The following BLNK variants were observed in gnomAD, a reference collection of about 807,000 sequenced individuals.
BLNK encodes B cell linker.
In BLNK, 29 loss-of-function variants were observed where a neutral mutation model predicts 73.5. The observed-to-expected ratio is 0.39, with a 90% confidence interval of 0.29 to 0.54. The LOEUF is 0.54. Ranked by LOEUF, BLNK falls within the 20% of genes least tolerant of loss-of-function variation. The probability of loss-of-function intolerance (pLI) is 0.61; values close to 1 mark genes in which losing one functional copy is unlikely to be tolerated. For synonymous variants in BLNK, 176 were observed against 200.8 expected, an observed-to-expected ratio of 0.88 and a Z score of 1.04; for missense variants, 460 against 562.8, an observed-to-expected ratio of 0.82 and a Z score of 1.85.
At chr10:96,212,181 C>A (rs1351836206) in intron 8 of BLNK, among the ~76,000 whole-genome samples, 1 of 152,092 alleles carries the variant, frequency 6.6e-6, no homozygotes, top group Non-Finnish European at 1.5e-5. Flanking sequence ...ACGGAGGACA[C>A]TGGTGGAAAG....
intron 4 of BLNK, among the ~76,000 whole-genome samples, chr10:96,230,198 A>G (rs1276915258): frequency 6.6e-6 from 1 of 152,172 alleles, no homozygotes; most frequent in East Asian, 1.9e-4. Flanking sequence ...CCCCAGTGTC[A>G]TCATGGCCAG....
In BLNK at chr10:96,189,670, G is replaced by A; in HGVS notation, c.*2303C>T. 1 of 718,730 alleles carries A rather than the reference G, an allele frequency of 1.4e-6. No homozygotes were observed. Among genetic ancestry groups the A allele is most frequent in the South Asian group, 1.4e-5 (1 of 72,980 alleles). The allele number at this position is 718,730 out of a possible 1,614,324, so 44.5% of individuals were successfully genotyped here. ...GGAGTATGTAGATTTCTTCAATGGT[G>A]CTTTTTCTTCAGTTTCCTCATCATC... On this transcript the variant is annotated 3_prime_UTR_variant, in exon 17 of 17. Transcript: ENST00000224337.
rs1176296418 is a variant in BLNK, at chr10:96,190,807, A to T, written c.*1166T>A. 2.6e-5 allele frequency among the ~76,000 whole-genome samples: 4 copies of T among 152,172 alleles called. No individual in the cohort carries two copies. The highest frequency in any genetic ancestry group is 9.7e-5 in the African/African-American group (4 of 41,434). ...TTTCTGGGATGATCTAAGACCTTGGACCTGATTCTCCACGATGGTATCTCT... is the reference window on the plus strand; with the variant it reads ...TTTCTGGGATGATCTAAGACCTTGGTCCTGATTCTCCACGATGGTATCTCT... On this transcript the variant is annotated 3_prime_UTR_variant, in exon 17 of 17. Coordinates refer to ENST00000224337, the MANE Select transcript of BLNK (RefSeq NM_013314.4).
At chr10:96,206,617 G>T (rs1221929763) in intron 11 of BLNK, among the ~76,000 whole-genome samples, 1 of 149,972 alleles carries the variant, frequency 6.7e-6, no homozygotes, top group Non-Finnish European at 1.5e-5. Flanking sequence ...ATTGAACTTT[G>T]AAAACATTAT....
Position 96,191,869 on chromosome 10 carries a change from T to C in BLNK, c.*104A>G, listed in dbSNP as rs959216291. ...CTGACTCCATCTTCCATTTTATTAC[T>C]GGATGATTCATAATCCAAAATATGA... On this transcript the variant is annotated 3_prime_UTR_variant, in exon 17 of 17. Coordinates refer to ENST00000224337, the MANE Select transcript of BLNK (RefSeq NM_013314.4). The C allele has an allele frequency of 1.4e-6, 2 of 1,475,086 alleles. No homozygotes were observed. The highest frequency in any genetic ancestry group is 3.4e-5 in the Admixed American group (2 of 58,316). The allele number at this position is 1,475,086 out of a possible 1,614,324, so 91.4% of individuals were successfully genotyped here. A position where few individuals can be genotyped will look rare whatever the true frequency, so the allele number is the denominator to read the frequency against.
chr10:96,268,911 A>G (rs974685297), intron 1 of BLNK, among the ~76,000 whole-genome samples: 5 of 152,236 alleles, frequency 3.3e-5, no homozygotes, highest in Non-Finnish European at 5.9e-5. Context: ...TTTTATGGTC[A>G]TCTGGTGCCA....
At chr10:96,218,562 T>C (rs1000112047) in intron 6 of BLNK, among the ~76,000 whole-genome samples, 4 of 151,754 alleles carry the variant, frequency 2.6e-5, no homozygotes, top group Non-Finnish European at 5.9e-5. Context: ...AACATATTGG[T>C]ATGCACCTGT....
chr10:96,189,470 A>G lies in BLNK; in HGVS notation c.*2503T>C. The G allele has an allele frequency of 1.6e-6, 1 of 628,194 alleles. No homozygotes were observed. Among genetic ancestry groups the G allele is most frequent in the South Asian group, 1.4e-5 (1 of 72,578 alleles). 38.9% of individuals were successfully genotyped at this position (628,194 alleles called of 1,614,324 possible). Reference sequence around the variant, plus strand: ...TGGCTTCCACTTTGGGAAGAGAACCACCTTTTTCTATACTTGCTTGCATTT... The same window carrying G: ...TGGCTTCCACTTTGGGAAGAGAACCGCCTTTTTCTATACTTGCTTGCATTT... On this transcript the variant is annotated 3_prime_UTR_variant, in exon 17 of 17. Coordinates refer to ENST00000224337, the MANE Select transcript of BLNK (RefSeq NM_013314.4).
chr10:96,215,348 G>A lies in BLNK; in HGVS notation c.649C>T (p.Pro217Ser). The part of the protein sequence containing the change: ...NRSTKPNSST[P>S]ASPPGTASGR... ...GAAGCTGTTCCTGGAGGAGAGGCGG[G>A]CGTTGAGGAATTTGGCTTGGTTGAT... Residue 217 changes from proline (P) to serine (S), a missense_variant, in exon 8 of 17, where the codon CCC (proline) becomes TCC (serine). Around this residue, in one of 3 missense-constraint regions of BLNK, gnomAD observed 233 missense variants for 232.1 expected, o/e 1.00. Coordinates refer to ENST00000224337, the MANE Select transcript of BLNK (RefSeq NM_013314.4). The A allele has an allele frequency of 6.2e-7, 1 of 1,614,082 alleles. No individual in the cohort carries two copies. Among genetic ancestry groups the A allele is most frequent in the Non-Finnish European group, 8.5e-7 (1 of 1,179,990 alleles).
At chr10:96,196,071 C>G (rs1564810345) in intron 16 of BLNK, among the ~76,000 whole-genome samples, 2 of 152,206 alleles carry the variant, frequency 1.3e-5, no homozygotes, top group South Asian at 2.1e-4. Flanking sequence ...TATTTTCTAG[C>G]AGGTGCTGGG....
chr10:96,233,601 G>A (rs782116930), intron 3 of BLNK, among the ~76,000 whole-genome samples: 7 of 152,242 alleles, frequency 4.6e-5, no homozygotes, highest in East Asian at 3.9e-4. Context: ...TGCTCTGCTC[G>A]TGCCGTTCCT....
At chr10:96,245,057 C>A (rs550357603) in intron 2 of BLNK, among the ~76,000 whole-genome samples, 10 of 151,994 alleles carry the variant, frequency 6.6e-5, no homozygotes, top group African/African-American at 2.2e-4. Context: ...AAGCAAAAAT[C>A]ATCACACACC....
At chr10:96,220,052 C>A (rs1554900749) in intron 6 of BLNK, among the ~76,000 whole-genome samples, 1 of 152,216 alleles carries the variant, frequency 6.6e-6, no homozygotes, top group African/African-American at 2.4e-5. Flanking sequence ...GGGCGACCAG[C>A]CTCTTCTGCA....
chr10:96,214,218 G>A (rs2084011238), intron 8 of BLNK, among the ~76,000 whole-genome samples: 1 of 152,192 alleles, frequency 6.6e-6, no homozygotes, highest in Non-Finnish European at 1.5e-5. Flanking sequence ...AAATGCCTGT[G>A]AGAATGCTGG....
intron 3 of BLNK, among the ~76,000 whole-genome samples, chr10:96,233,708 G>T (rs1388812586): frequency 6.6e-6 from 1 of 152,092 alleles, no homozygotes; most frequent in Non-Finnish European, 1.5e-5. Context: ...CTTTTTCTGG[G>T]CCCTCTTGGA....
chr10:96,234,739 AC>A (rs1842635558), intron 3 of BLNK, among the ~76,000 whole-genome samples: 1 of 152,168 alleles, frequency 6.6e-6, no homozygotes, highest in South Asian at 2.1e-4. Context: ...CACTCAAAAC[AC>A]CACTGATTCT....
In BLNK at chr10:96,215,350, G is replaced by C; in HGVS notation, c.647C>G (p.Thr216Arg). The C allele has an allele frequency of 6.2e-7, 1 of 1,614,004 alleles. No homozygotes were observed. Among genetic ancestry groups the C allele is most frequent in the Non-Finnish European group, 8.5e-7 (1 of 1,179,980 alleles). ...VNRSTKPNSS[T>R]PASPPGTASG... The stretch of plus-strand genomic sequence containing the variant: ...AGCTGTTCCTGGAGGAGAGGCGGGC[G>C]TTGAGGAATTTGGCTTGGTTGATCT... Residue 216 changes from threonine (T) to arginine (R), a missense_variant, in exon 8 of 17, where the codon ACG (threonine) becomes AGG (arginine). Physicochemically the swap from Thr to Arg is moderately conservative, Grantham distance 71 (BLOSUM62 -1). Transcript: ENST00000224337.
At chr10:96,197,663 T>A (rs1554895021) in intron 15 of BLNK, among the ~76,000 whole-genome samples, 1 of 152,100 alleles carries the variant, frequency 6.6e-6, no homozygotes, top group African/African-American at 2.4e-5. Context: ...AGGTTGGGAA[T>A]CAAAACTTTC....
intron 6 of BLNK, among the ~76,000 whole-genome samples, chr10:96,219,210 C>T (rs2084138052): frequency 6.6e-6 from 1 of 152,220 alleles, no homozygotes; most frequent in African/African-American, 2.4e-5. Context: ...GAATGCCTCA[C>T]TGAATTGAAT....
Sources: gnomAD v4.1 joint callset for allele counts (sites outside exome capture counted in the v4.1 genomes callset) on GRCh38, gnomAD v4.1.1 for gene constraint, gnomAD v4.1.1 regional missense constraint, MANE v1.5 for transcripts, NCBI Gene and HGNC (gene_info 2026-07-23, HGNC 2026-07-21) for gene names.